PAX2: variants seen among roughly 807,000 people sequenced by gnomAD.
PAX2 encodes paired box protein Pax-2.
A neutral mutation model predicts 41.7 loss-of-function variants in PAX2; 9 were observed. That is an observed-to-expected ratio of 0.22 (90% confidence interval 0.13 to 0.38). The LOEUF (loss-of-function observed/expected upper bound fraction) is 0.38. Among genes scored for constraint, PAX2 ranks in the 10% least tolerant of loss-of-function variants. The probability of loss-of-function intolerance (pLI) is 1.00; values close to 1 mark genes in which losing one functional copy is unlikely to be tolerated. For synonymous variants in PAX2, 221 were observed against 212.7 expected (o/e 1.04, Z -0.34); for missense variants, 418 against 531.6 (o/e 0.79, Z 2.10).
intron 3 of PAX2, among the ~76,000 whole-genome samples, chr10:100,777,122 G>T (rs1846419145): frequency 7.6e-6 from 1 of 132,402 alleles, no homozygotes; most frequent in Non-Finnish European, 1.6e-5. Context: ...TTTTTTTTGA[G>T]ACGGAGTCTT....
At chr10:100,813,363 C>A (rs1485955985) in intron 7 of PAX2, among the ~76,000 whole-genome samples, 1 of 152,190 alleles carries the variant, frequency 6.6e-6, no homozygotes, top group Non-Finnish European at 1.5e-5. Context: ...TAAAATATAA[C>A]AACAAAAATG....
upstream of PAX2, among the ~76,000 whole-genome samples, chr10:100,741,789 CTA>C (rs1844965354): frequency 6.6e-6 from 1 of 152,396 alleles, no homozygotes; most frequent in African/African-American, 2.4e-5. Context: ...TCCCTTCGGA[CTA>C]CTTTTCTCCC....
chr10:100,750,568 G>T lies in PAX2; in HGVS notation c.213-126G>T. 1 of 808,064 alleles carries T rather than the reference G, an allele frequency of 1.2e-6. No individual in the cohort carries two copies. Among genetic ancestry groups the T allele is most frequent in the Non-Finnish European group, 2.0e-6 (1 of 495,000 alleles). 50.1% of individuals were successfully genotyped at this position (808,064 alleles called of 1,614,324 possible). A position where few individuals can be genotyped will look rare whatever the true frequency, so the allele number is the denominator to read the frequency against. On this transcript the variant is annotated intron_variant, in intron 2 of 9. Transcript: ENST00000355243. This position sits in a 1 kb window ranked among gnomAD's most constrained non-coding sequence, Gnocchi z 4.1. ...CTCAGGAAGTCAGCTCAGCCACACT[G>T]GGCCTTTTCCCTCCACTCCGCTGCC... is the stretch of plus-strand genomic sequence containing the variant.
At chr10:100,772,971 C>A (rs1445863827) in intron 3 of PAX2, among the ~76,000 whole-genome samples, 1 of 152,206 alleles carries the variant, frequency 6.6e-6, no homozygotes, top group Non-Finnish European at 1.5e-5. Context: ...GTGAGGACAA[C>A]TGAGGTTCAG....
chr10:100,745,684 G>A lies in PAX2; in HGVS notation c.-577G>A. 1 of 935,682 alleles carries A rather than the reference G, an allele frequency of 1.1e-6. No individual in the cohort carries two copies. Among genetic ancestry groups the A allele is most frequent in the Non-Finnish European group, 1.3e-6 (1 of 772,976 alleles). The allele number at this position is 935,682 out of a possible 1,614,324, so 58.0% of individuals were successfully genotyped here. A position where few individuals can be genotyped will look rare whatever the true frequency, so the allele number is the denominator to read the frequency against. ...CCTCCCTCCCGGCCCTTCGGCCGCG[G>A]CGGCGTGCGCCTGCCTTTTCCGGGG... On this transcript the variant is annotated 5_prime_UTR_variant, in exon 1 of 10. Coordinates refer to ENST00000355243, the MANE Select transcript of PAX2 (RefSeq NM_000278.5).
chr10:100,825,268 G>T (rs1262615413), intron 8 of PAX2, among the ~76,000 whole-genome samples: 1 of 152,166 alleles, frequency 6.6e-6, no homozygotes, highest in African/African-American at 2.4e-5. Flanking sequence ...TCCCTAAGAG[G>T]AATGGAGGTC....
At chr10:100,739,422 G>T (rs1401305020) in intron 1 of PAX2, among the ~76,000 whole-genome samples, 1 of 152,192 alleles carries the variant, frequency 6.6e-6, no homozygotes, top group African/African-American at 2.4e-5. Flanking sequence ...CACAGCTGCT[G>T]GGAGAGGAGG....
rs565043002 is a variant in PAX2, at chr10:100,748,501, G to T, written c.44-1245G>T. On this transcript the variant is annotated intron_variant, in intron 1 of 9. Coordinates refer to ENST00000355243, the MANE Select transcript of PAX2 (RefSeq NM_000278.5). This position sits in a 1 kb window ranked among gnomAD's most constrained non-coding sequence, Gnocchi z 5.0. ...TTTCTCCGAAACTCGCGTGAGGCTA[G>T]CGGGGCAGGGGCTGCAGCTTGCCAG... is the stretch of plus-strand genomic sequence containing the variant. The T allele has an allele frequency of 1.0e-6, 1 of 985,322 alleles. No individual in the cohort carries two copies. The highest frequency in any genetic ancestry group is 4.7e-5 in the South Asian group (1 of 21,280). 61.0% of individuals were successfully genotyped at this position (985,322 alleles called of 1,614,324 possible). A position where few individuals can be genotyped will look rare whatever the true frequency, so the allele number is the denominator to read the frequency against.
At chr10:100,825,756 C>T (rs1353935678) in intron 8 of PAX2, among the ~76,000 whole-genome samples, 1 of 152,006 alleles carries the variant, frequency 6.6e-6, no homozygotes, top group Non-Finnish European at 1.5e-5. Context: ...GTAGGGGCAG[C>T]GGCAAAGAGG....
chr10:100,769,639 T>C (rs1846142677), intron 3 of PAX2, among the ~76,000 whole-genome samples: 1 of 140,148 alleles, frequency 7.1e-6, no homozygotes, highest in Non-Finnish European at 1.6e-5. Context: ...TAAAATAAAA[T>C]AAAATAAAAT....
intron 5 of PAX2, among the ~76,000 whole-genome samples, chr10:100,785,923 TCTC>T (rs1341856349): frequency 6.6e-6 from 1 of 152,266 alleles, no homozygotes; most frequent in East Asian, 1.9e-4. Context: ...AGCTCAATCT[TCTC>T]CTCTGTAAAA....
intron 7 of PAX2, among the ~76,000 whole-genome samples, chr10:100,816,615 G>T (rs1225560549): frequency 6.6e-6 from 1 of 152,176 alleles, no homozygotes; most frequent in Non-Finnish European, 1.5e-5. Flanking sequence ...CCACCTCCAA[G>T]GTGACAGGAA....
chr10:100,781,808 C>G (rs1411350636), intron 5 of PAX2, among the ~76,000 whole-genome samples: 3 of 152,174 alleles, frequency 2.0e-5, no homozygotes, highest in Non-Finnish European at 4.4e-5. Flanking sequence ...CACCTGCACA[C>G]CGCCCCCAGT....
chr10:100,748,961 C>G lies in PAX2; in HGVS notation c.44-785C>G, dbSNP rs1010232037. 1.0e-6 allele frequency: 1 copy of G among 985,386 alleles called. No homozygotes were observed. The allele number at this position is 985,386 out of a possible 1,614,324, so 61.0% of individuals were successfully genotyped here. ...CGGCAGGCAGGCGAGCCCAAGCAGC[C>G]GGCATTCTCTGCCTGCTGCCTGGAG... On this transcript the variant is annotated intron_variant, in intron 1 of 9. Coordinates refer to ENST00000355243, the MANE Select transcript of PAX2 (RefSeq NM_000278.5). This position sits in a 1 kb window ranked among gnomAD's most constrained non-coding sequence, Gnocchi z 5.0.
Position 100,750,781 on chromosome 10 carries a change from T to C in PAX2, c.300T>C (p.Ala100=). ...VATPKVVDKI[A]EYKRQNPTMF... ...CGCCCAAAGTGGTGGACAAGATTGC[T>C]GAATACAAACGACAGAACCCGACTA... The change falls in exon 3 of 10, where the codon GCT becomes GCC. Residue 100 remains alanine (A), a synonymous_variant. Coordinates refer to ENST00000355243, the MANE Select transcript of PAX2 (RefSeq NM_000278.5). The surrounding 1 kb of genome is among the most constrained non-coding windows in gnomAD (Gnocchi z 4.1). 6.2e-7 allele frequency: 1 copy of C among 1,614,210 alleles called. No individual in the cohort carries two copies. Among genetic ancestry groups the C allele is most frequent in the Admixed American group, 1.7e-5 (1 of 60,036 alleles).
intron 5 of PAX2, among the ~76,000 whole-genome samples, chr10:100,794,244 C>T (rs77175835): frequency 0.054 from 8,275 of 152,348 alleles, 285 homozygotes; most frequent in Non-Finnish European, 0.081. Context: ...TATACCAAGT[C>T]ATGCGGGTTG....
intron 5 of PAX2, among the ~76,000 whole-genome samples, chr10:100,800,302 C>G (rs1847515550): frequency 1.9e-5 from 2 of 107,918 alleles, no homozygotes; most frequent in African/African-American, 7.9e-5. Flanking sequence ...TTTTTTGAGA[C>G]AGGGTCTCAC....
chr10:100,798,128 T>TC (rs1309620611), intron 5 of PAX2, among the ~76,000 whole-genome samples: 2,469 of 108,832 alleles, frequency 0.023, 64 homozygotes, highest in Non-Finnish European at 0.036. Flanking sequence ...TTTTTTTTTT[T>TC]AGACAGGGTC....
At position 100,824,614 on chromosome 10, in the gene PAX2, C is replaced by T; in HGVS notation, c.920-34C>T. ...TGAGTAGAGGCAGGCCCCTTTCTTC[C>T]AGGCCTCACCCCTTCCCCTTTGTGT... On this transcript the variant is annotated intron_variant, in intron 7 of 9. Coordinates refer to ENST00000355243, the MANE Select transcript of PAX2 (RefSeq NM_000278.5). This position sits in a 1 kb window ranked among gnomAD's most constrained non-coding sequence, Gnocchi z 6.6. 1.4e-6 allele frequency: 2 copies of T among 1,408,942 alleles called. No individual in the cohort carries two copies. The highest frequency in any genetic ancestry group is 2.0e-6 in the Non-Finnish European group (2 of 992,374). 87.3% of individuals were successfully genotyped at this position (1,408,942 alleles called of 1,614,324 possible). A position where few individuals can be genotyped will look rare whatever the true frequency, so the allele number is the denominator to read the frequency against.
Sources: allele counts gnomAD v4.1 joint callset (sites outside exome capture counted in the v4.1 genomes callset), GRCh38; gene constraint gnomAD v4.1.1; non-coding constraint Gnocchi (gnomAD v3.1); transcripts MANE v1.5; gene names NCBI Gene and HGNC (gene_info 2026-07-23, HGNC 2026-07-21).